The following DAB1 variants were observed in gnomAD, a reference collection of about 807,000 sequenced individuals.
The protein encoded by DAB1 is disabled homolog 1.
Under a neutral mutation model 64.6 loss-of-function variants are expected in DAB1, and 15 were observed. The ratio of observed to expected loss-of-function variants is 0.23; its 90% CI spans 0.16 to 0.36. DAB1 has a LOEUF of 0.36. Ranked by LOEUF, DAB1 falls within the 10% of genes least tolerant of loss-of-function variation. DAB1 has a pLI of 1.00. For synonymous variants in DAB1, 235 were observed against 251.9 expected (o/e 0.93, Z 0.64); for missense variants, 596 against 706.7 (o/e 0.84, Z 1.78).
intron 2 of DAB1, among the ~76,000 whole-genome samples, chr1:57,165,554 T>A (rs933070096): frequency 6.6e-6 from 1 of 152,238 alleles, no homozygotes; most frequent in Non-Finnish European, 1.5e-5. Context: ...TGCCATTTAT[T>A]AAACATCTAT....
intron 3 of DAB1, among the ~76,000 whole-genome samples, chr1:58,380,304 C>T (rs896770031): frequency 1.3e-5 from 2 of 152,220 alleles, no homozygotes; most frequent in Non-Finnish European, 2.9e-5. Flanking sequence ...GCAGTTTCCC[C>T]AGTGCTCTCT....
intron 9 of DAB1, among the ~76,000 whole-genome samples, chr1:57,041,243 T>G (rs1647747178): frequency 6.6e-6 from 1 of 152,232 alleles, no homozygotes; most frequent in Non-Finnish European, 1.5e-5. Context: ...TCTTCATTCT[T>G]GGATTTGATT....
At chr1:57,421,579 G>C (rs1684887916) in intron 1 of DAB1, among the ~76,000 whole-genome samples, 1 of 152,068 alleles carries the variant, frequency 6.6e-6, no homozygotes, top group African/African-American at 2.4e-5. Flanking sequence ...GATCCTCCCA[G>C]CGTTGCCAAA....
rs191700305 is a variant in DAB1 at position 57,847,518 on chromosome 1, A to G, written n.88-21063T>C. ...ATGCTGCTTACAAAAGACAAACGGT[A>G]AAAGAAAAATGAGAGAGAAAAGGGG... is the stretch of plus-strand genomic sequence containing the variant. On this transcript the variant is annotated intron_variant and non_coding_transcript_variant, in intron 1 of 1. Transcript: ENST00000477280. Among the ~76,000 whole-genome samples, 105 of 152,302 alleles carry G rather than the reference A, an allele frequency of 6.9e-4. 4 individuals are homozygous for G. The South Asian group carries it at 0.014, about 21-fold the overall frequency.
chr1:57,936,997 A>T (rs557666236), intron 5 of DAB1, among the ~76,000 whole-genome samples: 10 of 151,852 alleles, frequency 6.6e-5, no homozygotes, highest in African/African-American at 2.2e-4. Flanking sequence ...TCCCTTTGTC[A>T]GCTCCCTTTG....
At chr1:58,198,919 A>G (rs1657844381) in intron 4 of DAB1, among the ~76,000 whole-genome samples, 1 of 152,210 alleles carries the variant, frequency 6.6e-6, no homozygotes, top group African/African-American at 2.4e-5. Flanking sequence ...CAGCCTGGCC[A>G]ACATGGTGAA....
At chr1:58,240,972 G>T (rs1660265994) in intron 4 of DAB1, among the ~76,000 whole-genome samples, 1 of 152,104 alleles carries the variant, frequency 6.6e-6, no homozygotes, top group Non-Finnish European at 1.5e-5. Context: ...ACAGTGAGGA[G>T]AGTTGACAAA....
chr1:57,588,403 A>G (rs975362112), intron 7 of DAB1, among the ~76,000 whole-genome samples: 1 of 152,236 alleles, frequency 6.6e-6, no homozygotes, highest in African/African-American at 2.4e-5. Flanking sequence ...AGTGCTATCT[A>G]AATTCTTAGG....
intron 6 of DAB1, among the ~76,000 whole-genome samples, chr1:57,747,805 T>A (rs1648350311): frequency 1.7e-5 from 1 of 58,920 alleles, no homozygotes. Context: ...GAGGACTCTG[T>A]CCAAAAAAAA....
chr1:57,721,872 G>C (rs900416185), intron 6 of DAB1, among the ~76,000 whole-genome samples: 1 of 152,170 alleles, frequency 6.6e-6, no homozygotes, highest in Non-Finnish European at 1.5e-5. Context: ...GTTAAGATCT[G>C]AACTCCTATG....
At chr1:57,653,261 G>A (rs1384101347) in intron 6 of DAB1, among the ~76,000 whole-genome samples, 3 of 152,118 alleles carry the variant, frequency 2.0e-5, no homozygotes, top group African/African-American at 4.8e-5. Context: ...ATATTTTTCT[G>A]TTCTAATACA....
chr1:58,163,514 G>A (rs551387017), intron 4 of DAB1, among the ~76,000 whole-genome samples: 71 of 152,212 alleles, frequency 4.7e-4, no homozygotes, highest in African/African-American at 1.6e-3. Context: ...AGCATATAAC[G>A]ACCTGAGAAA....
intron 4 of DAB1, among the ~76,000 whole-genome samples, chr1:57,085,102 C>T (rs1023244884): frequency 1.3e-5 from 2 of 152,120 alleles, no homozygotes; most frequent in African/African-American, 4.8e-5. Context: ...AAATTCTTAC[C>T]CTCAGTTCTA....
intron 2 of DAB1, among the ~76,000 whole-genome samples, chr1:57,258,432 A>G (rs79251583): frequency 0.026 from 3,896 of 152,156 alleles, 294 homozygotes; most frequent in Admixed American, 0.18. Flanking sequence ...TTACTTCCAG[A>G]GGACAGATGT....
intron 3 of DAB1, among the ~76,000 whole-genome samples, chr1:58,478,207 C>T (rs1366025483): frequency 1.3e-5 from 2 of 152,148 alleles, no homozygotes; most frequent in Non-Finnish European, 2.9e-5. Context: ...TTTCCCTGCT[C>T]TTACTCACTC....
At chr1:57,803,445 A>G (rs1338940142) in intron 6 of DAB1, among the ~76,000 whole-genome samples, 1 of 152,208 alleles carries the variant, frequency 6.6e-6, no homozygotes, top group Non-Finnish European at 1.5e-5. Context: ...GGGAACCCAT[A>G]CAGAAGCCAG....
intron 4 of DAB1, among the ~76,000 whole-genome samples, chr1:58,223,485 A>G (rs1288779152): frequency 6.6e-6 from 1 of 152,224 alleles, no homozygotes; most frequent in Admixed American, 6.5e-5. Context: ...GTGACGTTCC[A>G]ATTACAAATT....
At chr1:58,388,656 T>G (rs1264127874) in intron 3 of DAB1, among the ~76,000 whole-genome samples, 2 of 152,240 alleles carry the variant, frequency 1.3e-5, no homozygotes, top group African/African-American at 2.4e-5. Flanking sequence ...TCCATTTAGT[T>G]AAGCCGCTGT....
At chr1:57,737,992 A>T (rs957013312) in intron 6 of DAB1, among the ~76,000 whole-genome samples, 1 of 152,156 alleles carries the variant, frequency 6.6e-6, no homozygotes, top group Non-Finnish European at 1.5e-5. Context: ...TCTGCTGTGG[A>T]ATATCATGGG....
Sources: gnomAD v4.1 joint callset for allele counts (sites outside exome capture counted in the v4.1 genomes callset) on GRCh38, gnomAD v4.1.1 for gene constraint, MANE v1.5 for transcripts, NCBI Gene and HGNC (gene_info 2026-07-23, HGNC 2026-07-21) for gene names.